SHOX2: variants seen among roughly 807,000 people sequenced by gnomAD.
SHOX2 encodes the protein SHOX homeobox 2, also known as short stature homeobox protein 2.
SHOX2 carries 13 observed loss-of-function variants against 31.3 expected under a neutral mutation model. The observed-to-expected ratio is 0.42, with a 90% CI of 0.27 to 0.66. The LOEUF (loss-of-function observed/expected upper bound fraction) is 0.66. Among genes scored for constraint, SHOX2 ranks in the 30% least tolerant of loss-of-function variants. The probability of loss-of-function intolerance (pLI) is 0.27; values close to 1 mark genes in which losing one functional copy is unlikely to be tolerated. For synonymous variants in SHOX2, 244 were observed against 196.2 expected (o/e 1.24, Z -2.04); for missense variants, 473 against 443.0 (o/e 1.07, Z -0.61).
Position 158,098,272 on chromosome 3 carries a change from G to C in SHOX2, c.715C>G (p.Leu239Val). Reference sequence around the variant, plus strand: ...TGCGCCACAGCGCTGTCCAGCTGCAGCTGCGCCTGAACCTGAAAGGACAAG... The same window carrying C: ...TGCGCCACAGCGCTGTCCAGCTGCACCTGCGCCTGAACCTGAAAGGACAAG... ...RMPFQQVQAQLQLDSAVAHAH... is the reference protein window; with the variant it reads ...RMPFQQVQAQVQLDSAVAHAH... The change falls in exon 5 of 5, where the codon CTG (leucine) becomes GTG (valine). Residue 239 changes from leucine (L) to valine (V), a missense_variant. By Grantham distance (32) the Leu-to-Val change is conservative. This residue lies in a region of SHOX2 where 182 missense variants were observed against 167.2 expected (regional missense o/e 1.09). Transcript: ENST00000483851. 2 of 1,613,772 alleles carry C rather than the reference G, an allele frequency of 1.2e-6. No individual in the cohort carries two copies. Among genetic ancestry groups the C allele is most frequent in the Non-Finnish European group, 8.5e-7 (1 of 1,179,842 alleles).
At position 158,105,765 on chromosome 3, in the gene SHOX2, G is replaced by A. The variant is rs757719081; in HGVS notation, c.260C>T (p.Ala87Val). The stretch of plus-strand genomic sequence containing the variant: ...CCGGACGGGAGAGCGCCCTCCTCCA[G>A]CTCCTCCGCCTGCTCCTCCTCCTCC... ...GVGGGGAGGGAGGGRSPVREL... is the reference protein window; with the variant it reads ...GVGGGGAGGGVGGGRSPVREL... The change falls in exon 1 of 5, where the codon GCT becomes GTT. Residue 87 changes from alanine to valine, a missense_variant. By Grantham distance (64) the Ala-to-Val change is moderately conservative. This residue lies in a region of SHOX2 where 276 missense variants were observed against 230.0 expected (regional missense o/e 1.20). Transcript: ENST00000483851. 1.3e-5 allele frequency: 20 copies of A among 1,517,126 alleles called. No individual in the cohort carries two copies. The highest frequency in any genetic ancestry group is 8.4e-5 in the East Asian group (3 of 35,920). 94.0% of individuals were successfully genotyped at this position (1,517,126 alleles called of 1,614,324 possible). A position where few individuals can be genotyped will look rare whatever the true frequency, so the allele number is the denominator to read the frequency against.
At position 158,106,134 on chromosome 3, in the gene SHOX2, G is replaced by A; in HGVS notation, c.-110C>T. Reference sequence around the variant, plus strand: ...CCCCCCAATAATAACACATCAATGGGACAGGAGGTGGGGGAGGAGAGGGAG... The same window carrying A: ...CCCCCCAATAATAACACATCAATGGAACAGGAGGTGGGGGAGGAGAGGGAG... On this transcript the variant is annotated 5_prime_UTR_variant, in exon 1 of 5. Transcript: ENST00000483851. 2 of 1,524,690 alleles carry A rather than the reference G, an allele frequency of 1.3e-6. No homozygotes were observed. Among genetic ancestry groups the A allele is most frequent in the Non-Finnish European group, 1.8e-6 (2 of 1,132,330 alleles). The allele number at this position is 1,524,690 out of a possible 1,614,324, so 94.4% of individuals were successfully genotyped here. A position where few individuals can be genotyped will look rare whatever the true frequency, so the allele number is the denominator to read the frequency against.
intron 1 of SHOX2, chr3:158,103,095 C>G (rs1253091575): frequency 3.3e-6 from 2 of 612,080 alleles, no homozygotes; most frequent in Non-Finnish European, 5.8e-6. Flanking sequence ...AAGGTCAAGT[C>G]TGAGCGGCCG....
rs1713058730 is a variant in SHOX2, at chr3:158,096,184, A to T, written c.*1843T>A. 1 of 152,612 alleles carries T rather than the reference A, an allele frequency of 6.6e-6. No individual in the cohort carries two copies. Among genetic ancestry groups the T allele is most frequent in the Admixed American group, 6.5e-5 (1 of 15,290 alleles). The allele number at this position is 152,612 out of a possible 1,614,324, so 9.5% of individuals were successfully genotyped here. A position where few individuals can be genotyped will look rare whatever the true frequency, so the allele number is the denominator to read the frequency against. The stretch of plus-strand genomic sequence containing the variant: ...TAATACACTAGAAAAAAATATGTCA[A>T]ATATAAATAATTTTGTTTTCATGGA... On this transcript the variant is annotated 3_prime_UTR_variant, in exon 5 of 5. Transcript: ENST00000483851.
Position 158,098,004 on chromosome 3 carries a change from C to T in SHOX2, c.*23G>A, listed in dbSNP as rs773783159. On this transcript the variant is annotated 3_prime_UTR_variant, in exon 5 of 5. Transcript: ENST00000483851. ...CAGGCTGAGTGCCGCGGGACAGGCG[C>T]GACATTGGTGCTGGCGTTGGCGTCA... 1 of 1,567,946 alleles carries T rather than the reference C, an allele frequency of 6.4e-7. No individual in the cohort carries two copies. Among genetic ancestry groups the T allele is most frequent in the Non-Finnish European group, 8.7e-7 (1 of 1,155,416 alleles).
rs1238424309 is a variant in SHOX2, at chr3:158,096,116, C to G, written c.*1911G>C. 1 of 152,632 alleles carries G rather than the reference C, an allele frequency of 6.6e-6. No individual in the cohort carries two copies. Among genetic ancestry groups the G allele is most frequent in the Non-Finnish European group, 1.5e-5 (1 of 68,044 alleles). 9.5% of individuals were successfully genotyped at this position (152,632 alleles called of 1,614,324 possible). A position where few individuals can be genotyped will look rare whatever the true frequency, so the allele number is the denominator to read the frequency against. ...AGAATTGGAGGCGACACATTTTGTA[C>G]TGACAACACGTCATGAGATAACATC... On this transcript the variant is annotated 3_prime_UTR_variant, in exon 5 of 5. Transcript: ENST00000483851.
At chr3:158,100,014 G>A in intron 3 of SHOX2, 66 bp from the exon 4 acceptor site, 1 of 1,378,430 alleles carries the variant, frequency 7.3e-7, no homozygotes, top group Non-Finnish European at 1.0e-6. Context: ...GGGTTCCAAA[G>A]GGTACAAGAC....
chr3:158,102,681 C>A lies in SHOX2; in HGVS notation c.552G>T (p.Val184=), dbSNP rs1713575889. The A allele has an allele frequency of 6.2e-7, 1 of 1,613,958 alleles. No homozygotes were observed. The highest frequency in any genetic ancestry group is 1.7e-5 in the Admixed American group (1 of 60,008). The change falls in exon 2 of 5, where the codon GTG becomes GTT. Residue 184 remains valine, a synonymous_variant. Transcript: ENST00000483851. ...CGACCTCCTGGCAGCTGGGTACCTG[C>A]ACTCGGGCCTCCGACAGGCCCAGTC... The part of the protein sequence containing the change: ...SQRLGLSEAR[V]QVWFQNRRAK...
rs1286077794 is a variant in SHOX2, at chr3:158,097,049, A to T, written c.*978T>A. On this transcript the variant is annotated 3_prime_UTR_variant, in exon 5 of 5. Coordinates refer to ENST00000483851, the MANE Select transcript of SHOX2 (RefSeq NM_001163678.2). Reference sequence around the variant, plus strand: ...AGTGCATGGGAGATAAGGGGGTGGGAGGAGACACACCATCAATGGAATACA... The same window carrying T: ...AGTGCATGGGAGATAAGGGGGTGGGTGGAGACACACCATCAATGGAATACA... The T allele has an allele frequency of 6.6e-6, 1 of 150,888 alleles. No homozygotes were observed. The highest frequency in any genetic ancestry group is 1.9e-4 in the East Asian group (1 of 5,138). The allele number at this position is 150,888 out of a possible 1,614,324, so 9.3% of individuals were successfully genotyped here.
intron 2 of SHOX2, among the ~76,000 whole-genome samples, chr3:158,101,498 C>A (rs1713488350): frequency 6.6e-6 from 1 of 152,184 alleles, no homozygotes; most frequent in Non-Finnish European, 1.5e-5. Flanking sequence ...CAGAGCGAAG[C>A]AGGAGAGGCT....
In SHOX2 at chr3:158,097,811, G is replaced by C; in HGVS notation, c.*216C>G. ...AGGCCCTCGAGTAGGAAAACGGGCA[G>C]GAGCCACGGAGCCTGCGTGCCTCGT... is the stretch of plus-strand genomic sequence containing the variant. On this transcript the variant is annotated 3_prime_UTR_variant, in exon 5 of 5. Coordinates refer to ENST00000483851, the MANE Select transcript of SHOX2 (RefSeq NM_001163678.2). 1 of 640,914 alleles carries C rather than the reference G, an allele frequency of 1.6e-6. No individual in the cohort carries two copies. Among genetic ancestry groups the C allele is most frequent in the Non-Finnish European group, 2.7e-6 (1 of 376,636 alleles). 39.7% of individuals were successfully genotyped at this position (640,914 alleles called of 1,614,324 possible).
chr3:158,105,023 T>TGGG, intron 1 of SHOX2: 12 of 204,892 alleles, frequency 5.9e-5, no homozygotes, highest in East Asian at 1.3e-4. Context: ...GATCCCCACC[T>TGGG]CCCCCGCCGC....
intron 2 of SHOX2, among the ~76,000 whole-genome samples, chr3:158,101,849 G>A (rs1185012166): frequency 6.6e-6 from 1 of 152,148 alleles, no homozygotes; most frequent in Non-Finnish European, 1.5e-5. Context: ...AAGCTAGAAG[G>A]ATATGTGTAT....
At chr3:158,104,816 A>G (rs1420868928) in intron 1 of SHOX2, among the ~76,000 whole-genome samples, 3 of 152,236 alleles carry the variant, frequency 2.0e-5, no homozygotes, top group African/African-American at 7.2e-5. Context: ...TTAATTGGAA[A>G]AATATGGCAG....
At chr3:158,102,517 G>T (rs978231081) in intron 2 of SHOX2, among the ~76,000 whole-genome samples, 161 bp downstream of exon 2, 2 of 150,842 alleles carry the variant, frequency 1.3e-5, no homozygotes, top group African/African-American at 4.9e-5. Context: ...ATAGGACTAA[G>T]ATCTACTTTG....
In SHOX2 at chr3:158,096,645, T is replaced by C. The variant is rs1210600798; in HGVS notation, c.*1382A>G. On this transcript the variant is annotated 3_prime_UTR_variant, in exon 5 of 5. Transcript: ENST00000483851. Reference sequence around the variant, plus strand: ...GGGGAAATAAACCACTGTCTTCAAATAGGACTTCAGGAAACCAACAAGAAG... The same window carrying C: ...GGGGAAATAAACCACTGTCTTCAAACAGGACTTCAGGAAACCAACAAGAAG... 1 of 152,148 alleles carries C rather than the reference T, an allele frequency of 6.6e-6. No individual in the cohort carries two copies. The highest frequency in any genetic ancestry group is 1.5e-5 in the Non-Finnish European group (1 of 67,970). 9.4% of individuals were successfully genotyped at this position (152,148 alleles called of 1,614,324 possible). A position where few individuals can be genotyped will look rare whatever the true frequency, so the allele number is the denominator to read the frequency against.
rs1713035975 is a variant in SHOX2 at position 158,095,921 on chromosome 3, A to G, written c.*2106T>C. The G allele has an allele frequency of 6.6e-6, 1 of 152,400 alleles. No homozygotes were observed. Among genetic ancestry groups the G allele is most frequent in the African/African-American group, 2.4e-5 (1 of 41,462 alleles). 9.4% of individuals were successfully genotyped at this position (152,400 alleles called of 1,614,324 possible). A position where few individuals can be genotyped will look rare whatever the true frequency, so the allele number is the denominator to read the frequency against. ...GAGGCAAGCGCTTTTCCAAGTTGGT[A>G]TATTCGAGAGAGTGATACGCATTAA... On this transcript the variant is annotated 3_prime_UTR_variant, in exon 5 of 5. Transcript: ENST00000483851.
intron 2 of SHOX2, among the ~76,000 whole-genome samples, chr3:158,101,933 A>G (rs1410456790): frequency 6.6e-6 from 1 of 152,198 alleles, no homozygotes; most frequent in Non-Finnish European, 1.5e-5. Flanking sequence ...TCCACAACCA[A>G]TAAAGAAAAT....
At chr3:158,102,929 A>C (rs748490064) in intron 1 of SHOX2, 43 bp from the exon 2 acceptor site, 11 of 1,477,282 alleles carry the variant, frequency 7.4e-6, no homozygotes, top group South Asian at 4.5e-5. Flanking sequence ...CATCCACACG[A>C]ACACACACAC....
Sources: gnomAD v4.1 joint callset for allele counts (sites outside exome capture counted in the v4.1 genomes callset) on GRCh38, gnomAD v4.1.1 for gene constraint, gnomAD v4.1.1 regional missense constraint, MANE v1.5 for transcripts, NCBI Gene and HGNC (gene_info 2026-07-23, HGNC 2026-07-21) for gene names.